The following PCDHA3 variants were observed in gnomAD, a reference collection of about 807,000 sequenced individuals.
PCDHA3 encodes the protein protocadherin alpha-3.
A neutral mutation model predicts 62.2 loss-of-function variants in PCDHA3; 41 were observed. The ratio of observed to expected loss-of-function variants is 0.66; its 90% CI spans 0.51 to 0.86. The LOEUF (loss-of-function observed/expected upper bound fraction) is 0.86. Among genes scored for constraint, PCDHA3 ranks in the 40% least tolerant of loss-of-function variants. The pLI is 0.00. For missense variants in PCDHA3, 1,304 were observed against 1,241.2 expected (o/e 1.05, Z -0.76); for synonymous variants, 640 against 555.4 (o/e 1.15, Z -2.14).
chr5:140,837,972 C>A (rs929090739), intron 1 of PCDHA3, among the ~76,000 whole-genome samples: 3 of 151,768 alleles, frequency 2.0e-5, no homozygotes, highest in Admixed American at 2.0e-4. Flanking sequence ...AACAACCACA[C>A]CCAGCCTGCC....
chr5:140,862,649 C>T, intron 1 of PCDHA3: 1 of 543,104 alleles, frequency 1.8e-6, no homozygotes, highest in East Asian at 5.0e-5. Context: ...ACAGTGTCCG[C>T]GCGGGACCGG....
intron 3 of PCDHA3, among the ~76,000 whole-genome samples, chr5:141,004,385 G>C (rs1388217607): frequency 6.6e-6 from 1 of 152,192 alleles, no homozygotes; most frequent in Non-Finnish European, 1.5e-5. Flanking sequence ...TGCGGAAGCT[G>C]GACATGTGGA....
Position 140,837,042 on chromosome 5 carries a change from A to G in PCDHA3, c.2394+33451A>G, listed in dbSNP as rs188335781. 9.1e-5 allele frequency: 19 copies of G among 209,806 alleles called. No homozygotes were observed. In the Admixed American group the frequency reaches 9.5e-4, roughly 10 times the overall value. 13.0% of individuals were successfully genotyped at this position (209,806 alleles called of 1,614,324 possible). ...CTTCTATAGTGTATTTACAAAATCA[A>G]ATATTTACATTTCCATATTTTGATA... On this transcript the variant is annotated intron_variant, in intron 1 of 3. Coordinates refer to ENST00000522353, the MANE Select transcript of PCDHA3 (RefSeq NM_018906.3).
chr5:140,963,032 T>C (rs541613535), intron 1 of PCDHA3, among the ~76,000 whole-genome samples: 8 of 152,290 alleles, frequency 5.3e-5, no homozygotes, highest in African/African-American at 1.9e-4. Context: ...CAATTAACAT[T>C]TATTGAGAGT....
chr5:140,836,893 G>A (rs992802936), intron 1 of PCDHA3: 5 of 624,992 alleles, frequency 8.0e-6, no homozygotes, highest in Admixed American at 3.5e-5. Flanking sequence ...TTATTTGGAA[G>A]TACGTTTAAT....
Position 140,801,273 on chromosome 5 carries a change from G to A in PCDHA3, c.76G>A (p.Val26Met). 2 of 1,613,686 alleles carry A rather than the reference G, an allele frequency of 1.2e-6. No individual in the cohort carries two copies. The highest frequency in any genetic ancestry group is 1.7e-6 in the Non-Finnish European group (2 of 1,179,902). The change falls in exon 1 of 4, where the codon GTG (valine) becomes ATG (methionine). Residue 26 changes from valine to methionine, a missense_variant. Coordinates refer to ENST00000522353, the MANE Select transcript of PCDHA3 (RefSeq NM_018906.3). ...LSLLLLAASE[V>M]GSGQLHYSVS... ...TCTTCTGCTCCTCGCAGCCTCGGAG[G>A]TGGGGAGCGGCCAGCTCCACTACTC...
At chr5:140,895,875 G>A (rs1277056649) in intron 1 of PCDHA3, among the ~76,000 whole-genome samples, 5 of 152,060 alleles carry the variant, frequency 3.3e-5, no homozygotes, top group African/African-American at 7.2e-5. Context: ...GCAATGGCGC[G>A]ATCTCGGCTC....
chr5:140,862,874 T>G (rs2047608966), intron 1 of PCDHA3: 1 of 568,426 alleles, frequency 1.8e-6, no homozygotes, highest in South Asian at 1.4e-5. Context: ...CTGCCAGGTA[T>G]TAGTGCTGGA....
At chr5:140,877,311 G>A (rs200978234) in intron 1 of PCDHA3, 2 of 1,613,852 alleles carry the variant, frequency 1.2e-6, no homozygotes, top group Admixed American at 3.3e-5. Flanking sequence ...AGTTGCAACC[G>A]GCGGCGGTCG....
At chr5:140,938,476 T>A (rs1393084209) in intron 1 of PCDHA3, among the ~76,000 whole-genome samples, 2 of 152,194 alleles carry the variant, frequency 1.3e-5, no homozygotes, top group African/African-American at 2.4e-5. Context: ...TTATGTTTTT[T>A]AAAAATCATG....
At chr5:140,854,380 A>G (rs2043104788) in intron 1 of PCDHA3, 1 of 155,922 alleles carries the variant, frequency 6.4e-6, no homozygotes, top group African/African-American at 2.4e-5. Context: ...TACATAACTC[A>G]TTACATTTTA....
intron 1 of PCDHA3, chr5:140,967,010 C>G: frequency 6.2e-7 from 1 of 1,606,340 alleles, no homozygotes. Flanking sequence ...CATCAACCAT[C>G]TGGGTGCGCC....
In PCDHA3 at chr5:140,824,615, T is replaced by TG. The variant is rs1195516924; in HGVS notation, c.2394+21024_2394+21025insG. 2.4e-5 allele frequency: 3 copies of TG among 126,010 alleles called. No individual in the cohort carries two copies. The East Asian group carries it at 6.2e-4, about 26-fold the overall frequency. 7.8% of individuals were successfully genotyped at this position (126,010 alleles called of 1,614,324 possible). On this transcript the variant is annotated intron_variant, in intron 1 of 3. Transcript: ENST00000522353. ...ACATGCACATGCTAATTAAAGTTTT[T>TG]TTTTTTTTTTTTTTTTTATTTTCTG...
intron 1 of PCDHA3, among the ~76,000 whole-genome samples, chr5:140,844,056 C>T (rs2150368567): frequency 1.3e-5 from 2 of 149,686 alleles, no homozygotes; most frequent in African/African-American, 4.9e-5. Context: ...TCCCCCAAAG[C>T]GTTTATTCTT....
At chr5:140,875,875 G>T in intron 1 of PCDHA3, 1 of 1,614,232 alleles carries the variant, frequency 6.2e-7, no homozygotes, top group South Asian at 1.1e-5. Flanking sequence ...GGTGTTCAGA[G>T]AAAGGGAACA....
chr5:140,829,977 G>T (rs2150178993), intron 1 of PCDHA3: 1 of 1,613,860 alleles, frequency 6.2e-7, no homozygotes, highest in Non-Finnish European at 8.5e-7. Context: ...CTGTACACGG[G>T]CGAGATCAGC....
rs782552456 is a variant in PCDHA3, at chr5:140,870,511, G to T, written c.2394+66920G>T. On this transcript the variant is annotated intron_variant, in intron 1 of 3. Transcript: ENST00000522353. ...GTTCGTGAAGGAGAACAACCCACCA[G>T]GCTGCCACATCTTCACAGTGTCGGC... 9.9e-6 allele frequency: 16 copies of T among 1,614,242 alleles called. No homozygotes were observed. The highest frequency in any genetic ancestry group is 1.3e-5 in the Non-Finnish European group (15 of 1,180,048).
chr5:140,809,608 T>C, intron 1 of PCDHA3: 1 of 1,524,700 alleles, frequency 6.6e-7, no homozygotes, highest in Non-Finnish European at 8.8e-7. Context: ...AATTTTCGTA[T>C]TGTTTTTCTC....
At chr5:140,869,812 G>A (rs2051440753) in intron 1 of PCDHA3, 1 of 1,612,340 alleles carries the variant, frequency 6.2e-7, no homozygotes, top group East Asian at 2.2e-5. Flanking sequence ...GGATGTCAAC[G>A]ACAATGATCC....
Sources: gnomAD v4.1 joint callset for allele counts (sites outside exome capture counted in the v4.1 genomes callset) on GRCh38, gnomAD v4.1.1 for gene constraint, MANE v1.5 for transcripts, NCBI Gene and HGNC (gene_info 2026-07-23, HGNC 2026-07-21) for gene names.